Variants in RAP1A observed in about 807,000 individuals in gnomAD.
The protein encoded by RAP1A is ras-related protein Rap-1A.
A neutral mutation model predicts 26.4 loss-of-function variants in RAP1A; 6 were observed. That is an observed-to-expected ratio of 0.23 (90% confidence interval 0.12 to 0.45). The LOEUF is 0.45. Among genes scored for constraint, RAP1A ranks in the 20% least tolerant of loss-of-function variants. RAP1A has a pLI of 0.99. For missense variants in RAP1A, 121 were observed against 217.2 expected (o/e 0.56, Z 2.78); for synonymous variants, 73 against 79.4 (o/e 0.92, Z 0.43).
At chr1:111,640,170 T>C (rs1325596911) in intron 1 of RAP1A, among the ~76,000 whole-genome samples, 1 of 152,222 alleles carries the variant, frequency 6.6e-6, no homozygotes, top group Non-Finnish European at 1.5e-5. Flanking sequence ...TACTTCTTTG[T>C]TTTTTGAAGA....
At chr1:111,580,464 TA>T (rs1203720351) in intron 1 of RAP1A, among the ~76,000 whole-genome samples, 1 of 152,146 alleles carries the variant, frequency 6.6e-6, no homozygotes, top group Non-Finnish European at 1.5e-5. Flanking sequence ...GGGCTGGAAG[TA>T]AAAACTTTGG....
intron 1 of RAP1A, among the ~76,000 whole-genome samples, chr1:111,549,045 A>G (rs1657146158): frequency 6.6e-6 from 1 of 152,206 alleles, no homozygotes; most frequent in South Asian, 2.1e-4. Context: ...GATCCCTCAG[A>G]TAATCATTTT....
intron 1 of RAP1A, among the ~76,000 whole-genome samples, chr1:111,564,280 C>T (rs1282715532): frequency 6.6e-6 from 1 of 152,152 alleles, no homozygotes; most frequent in Non-Finnish European, 1.5e-5. Flanking sequence ...CCTAACCTTC[C>T]CTGTGATAGT....
At chr1:111,575,648 C>T (rs1156955956) in intron 1 of RAP1A, among the ~76,000 whole-genome samples, 3 of 152,082 alleles carry the variant, frequency 2.0e-5, no homozygotes, top group Non-Finnish European at 4.4e-5. Flanking sequence ...ACCAGGCACA[C>T]GTGCACACAG....
chr1:111,687,634 C>T (rs1661526216), intron 1 of RAP1A, among the ~76,000 whole-genome samples: 1 of 152,016 alleles, frequency 6.6e-6, no homozygotes, highest in South Asian at 2.1e-4. Context: ...CTTAAGTATT[C>T]TATTTCTCTC....
chr1:111,585,849 C>A (rs973080342), intron 1 of RAP1A, among the ~76,000 whole-genome samples: 1 of 152,172 alleles, frequency 6.6e-6, no homozygotes, highest in East Asian at 1.9e-4. Context: ...AAAAAAAGAT[C>A]CTGCCAACTA....
chr1:111,561,642 T>A (rs567616605), intron 1 of RAP1A, among the ~76,000 whole-genome samples: 1 of 152,326 alleles, frequency 6.6e-6, no homozygotes, highest in African/African-American at 2.4e-5. Flanking sequence ...AGGCCATTAC[T>A]CTTCTCTCCT....
chr1:111,581,102 T>C (rs1658249840), intron 1 of RAP1A, among the ~76,000 whole-genome samples: 1 of 130,856 alleles, frequency 7.6e-6, no homozygotes, highest in Non-Finnish European at 1.8e-5. Flanking sequence ...CTTTATGAAG[T>C]GGGATGCAGG....
chr1:111,711,882 T>C (rs3767594), intron 7 of RAP1A, among the ~76,000 whole-genome samples: 47,153 of 151,842 alleles, frequency 0.31, 7,601 homozygotes, highest in East Asian at 0.46. Context: ...CTGATTCTTG[T>C]CTGTTGACAA....
chr1:111,614,155 G>A (rs1047372188), intron 1 of RAP1A, among the ~76,000 whole-genome samples: 3 of 152,110 alleles, frequency 2.0e-5, no homozygotes, highest in Non-Finnish European at 4.4e-5. Flanking sequence ...ATAGCTCTCC[G>A]CTTTTGTATA....
At chr1:111,650,768 T>A (rs1291767718) in intron 1 of RAP1A, among the ~76,000 whole-genome samples, 1 of 152,130 alleles carries the variant, frequency 6.6e-6, no homozygotes, top group Non-Finnish European at 1.5e-5. Flanking sequence ...TTTGGACAAA[T>A]GTAAAATGAT....
intron 1 of RAP1A, among the ~76,000 whole-genome samples, chr1:111,638,273 C>T (rs1323733110): frequency 6.6e-6 from 1 of 152,132 alleles, no homozygotes; most frequent in Non-Finnish European, 1.5e-5. Context: ...GTCCATTCTT[C>T]TACGGAAGGA....
intron 4 of RAP1A, among the ~76,000 whole-genome samples, chr1:111,698,035 T>A (rs2473843): frequency 0.41 from 62,825 of 151,838 alleles, 13,226 homozygotes; most frequent in African/African-American, 0.49. Context: ...AGCAAATGAG[T>A]TAATAATTAT....
chr1:111,569,370 G>A (rs1052054149), intron 1 of RAP1A, among the ~76,000 whole-genome samples: 23 of 134,040 alleles, frequency 1.7e-4, no homozygotes, highest in Non-Finnish European at 3.2e-4. Context: ...TTGCACTCCA[G>A]ACAGAGTGAG....
intron 1 of RAP1A, among the ~76,000 whole-genome samples, chr1:111,681,650 A>G (rs1216011170): frequency 6.6e-6 from 1 of 152,198 alleles, no homozygotes; most frequent in Non-Finnish European, 1.5e-5. Context: ...AAGATTAGAG[A>G]AAATAGAATG....
intron 1 of RAP1A, among the ~76,000 whole-genome samples, chr1:111,592,772 C>G (rs1658492767): frequency 6.6e-6 from 1 of 152,198 alleles, no homozygotes; most frequent in Non-Finnish European, 1.5e-5. Context: ...ACAACAGCAA[C>G]TGTGCTGAAC....
intron 1 of RAP1A, among the ~76,000 whole-genome samples, chr1:111,686,947 C>T (rs1661503121): frequency 6.6e-6 from 1 of 151,718 alleles, no homozygotes; most frequent in Admixed American, 6.6e-5. Flanking sequence ...ATATTAGCAG[C>T]AACTGTGACT....
At chr1:111,694,995 CTATAGATA>C (rs1387755604) in intron 2 of RAP1A, among the ~76,000 whole-genome samples, 1 of 152,008 alleles carries the variant, frequency 6.6e-6, no homozygotes, top group East Asian at 1.9e-4. Context: ...ATAAAAGTTA[CTATAGATA>C]TATAAAGGGG....
intron 1 of RAP1A, among the ~76,000 whole-genome samples, chr1:111,627,299 TTATATA>T (rs1435812848): frequency 2.0e-5 from 3 of 152,180 alleles, no homozygotes; most frequent in Non-Finnish European, 4.4e-5. Flanking sequence ...AATTATAACT[TTATATA>T]TACTGTTTTG....
Sources: gnomAD v4.1 joint callset for allele counts (sites outside exome capture counted in the v4.1 genomes callset) on GRCh38, gnomAD v4.1.1 for gene constraint, MANE v1.5 for transcripts, NCBI Gene and HGNC (gene_info 2026-07-23, HGNC 2026-07-21) for gene names.